RAD50: variants seen among roughly 807,000 people sequenced by gnomAD.
RAD50 encodes the protein RAD50 double strand break repair protein, also known as DNA repair protein RAD50.
RAD50 carries 132 observed loss-of-function variants against 168.8 expected under a neutral mutation model. The ratio of observed to expected loss-of-function variants is 0.78; its 90% CI spans 0.68 to 0.90. The LOEUF is 0.90. RAD50 is among the 40% of genes least tolerant of loss of function. RAD50 has a pLI of 0.00. For missense variants in RAD50, 1,347 were observed against 1,534.4 expected (o/e 0.88, Z 2.04); for synonymous variants, 525 against 497.4 (o/e 1.06, Z -0.74).
intron 13 of RAD50, among the ~76,000 whole-genome samples, chr5:132,597,685 C>T (rs75708409): frequency 0.024 from 3,704 of 152,264 alleles, 112 homozygotes; most frequent in African/African-American, 0.077. Flanking sequence ...TCATGCGAGA[C>T]CCTGAGTCAG....
In RAD50 at chr5:132,603,462, A is replaced by G. The variant is rs1750924934; in HGVS notation, c.2370A>G (p.Thr790=). 1 of 1,613,946 alleles carries G rather than the reference A, an allele frequency of 6.2e-7. No individual in the cohort carries two copies. Among genetic ancestry groups the G allele is most frequent in the African/African-American group, 1.3e-5 (1 of 75,032 alleles). ...AAGAAAGTGCCAAAGTATGCCTGAC[A>G]GATGTTACAATTATGGAGAGGTTCC... ...PEEESAKVCL[T]DVTIMERFQM... is the part of the protein sequence containing the mutation. Residue 790 remains threonine, a synonymous_variant, in exon 14 of 25, where the codon ACA becomes ACG. Transcript: ENST00000378823.
intron 5 of RAD50, among the ~76,000 whole-genome samples, chr5:132,582,894 A>G (rs1750527693): frequency 6.6e-6 from 1 of 152,184 alleles, no homozygotes; most frequent in Non-Finnish European, 1.5e-5. Flanking sequence ...GAACCAAAAC[A>G]CAGATGTCAA....
At chr5:132,633,346 C>CT (rs750985827) in intron 21 of RAD50, among the ~76,000 whole-genome samples, 1 of 152,090 alleles carries the variant, frequency 6.6e-6, no homozygotes, top group Non-Finnish European at 1.5e-5. Flanking sequence ...CTCAAGTGAT[C>CT]TGCCTGCCTT....
At chr5:132,626,722 G>A (rs1039103664) in intron 21 of RAD50, among the ~76,000 whole-genome samples, 5 of 150,956 alleles carry the variant, frequency 3.3e-5, no homozygotes, top group South Asian at 2.1e-4. Flanking sequence ...TAGCATAATC[G>A]ATTTAATTAT....
intron 11 of RAD50, 30 bp downstream of exon 11, chr5:132,592,064 A>G (rs750056648): frequency 1.4e-5 from 22 of 1,582,014 alleles, no homozygotes; most frequent in Non-Finnish European, 8.7e-7. Context: ...GATGTAATAG[A>G]AATCTCTTAT....
intron 13 of RAD50, among the ~76,000 whole-genome samples, chr5:132,598,951 C>T (rs1750839923): frequency 6.6e-6 from 1 of 152,044 alleles, no homozygotes; most frequent in Admixed American, 6.5e-5. Flanking sequence ...GTACTTGTGG[C>T]TGACTTGAAT....
intron 13 of RAD50, among the ~76,000 whole-genome samples, chr5:132,600,661 T>C (rs1394116501): frequency 6.6e-6 from 1 of 152,206 alleles, no homozygotes; most frequent in East Asian, 1.9e-4. Context: ...AAATGCAAAC[T>C]CAATTGGTAT....
In RAD50 at chr5:132,642,422, A is replaced by G. The variant is rs774452369; in HGVS notation, c.*58A>G. 1.2e-5 allele frequency: 18 copies of G among 1,442,846 alleles called. No individual in the cohort carries two copies. Among genetic ancestry groups the G allele is most frequent in the Non-Finnish European group, 1.6e-5 (17 of 1,036,228 alleles). 89.4% of individuals were successfully genotyped at this position (1,442,846 alleles called of 1,614,324 possible). A position where few individuals can be genotyped will look rare whatever the true frequency, so the allele number is the denominator to read the frequency against. The stretch of plus-strand genomic sequence containing the variant: ...AGGTCCTCAGAAAGTGTATAATAAG[A>G]AACTTATTTCTCATATCAACTTAGT... On this transcript the variant is annotated 3_prime_UTR_variant, in exon 25 of 25. Coordinates refer to ENST00000378823, the MANE Select transcript of RAD50 (RefSeq NM_005732.4).
At chr5:132,596,704 G>A (rs572391928) in intron 13 of RAD50, among the ~76,000 whole-genome samples, 134 of 152,336 alleles carry the variant, frequency 8.8e-4, no homozygotes, top group African/African-American at 3.1e-3. Context: ...GGAGCTAATG[G>A]TCTGATTAAG....
intron 5 of RAD50, among the ~76,000 whole-genome samples, chr5:132,580,948 G>A (rs1177836696): frequency 1.3e-5 from 2 of 152,072 alleles, no homozygotes; most frequent in African/African-American, 2.4e-5. Context: ...TTTGAATCAT[G>A]AAGTAGAAAA....
At chr5:132,580,210 T>A in intron 5 of RAD50, 144 bp downstream of exon 5, 1 of 671,802 alleles carries the variant, frequency 1.5e-6, no homozygotes, top group Non-Finnish European at 2.6e-6. Context: ...GTGAGAACAC[T>A]TAAAATCTAC....
At chr5:132,620,238 C>G (rs767829406) in intron 21 of RAD50, among the ~76,000 whole-genome samples, 4 of 152,216 alleles carry the variant, frequency 2.6e-5, no homozygotes, top group Middle Eastern at 3.4e-3. Context: ...TAAATTTTGC[C>G]TTTCACATGT....
intron 8 of RAD50, among the ~76,000 whole-genome samples, 185 bp downstream of exon 8, chr5:132,589,065 G>C (rs1216342675): frequency 1.3e-5 from 2 of 152,120 alleles, no homozygotes; most frequent in Non-Finnish European, 2.9e-5. Flanking sequence ...ATAAAAATAT[G>C]AAGAAAATGT....
intron 13 of RAD50, among the ~76,000 whole-genome samples, chr5:132,596,767 T>TA (rs894744426): frequency 1.3e-5 from 2 of 152,196 alleles, no homozygotes; most frequent in Non-Finnish European, 2.9e-5. Flanking sequence ...ATAAAGTGCT[T>TA]AAAAAATGAT....
intron 2 of RAD50, among the ~76,000 whole-genome samples, chr5:132,563,618 G>GT (rs1294887250): frequency 6.6e-6 from 1 of 152,132 alleles, no homozygotes; most frequent in Non-Finnish European, 1.5e-5. Flanking sequence ...GGTTATGTAT[G>GT]TTTTTTCAGT....
intron 13 of RAD50, 86 bp from the exon 14 acceptor site, chr5:132,603,214 T>C (rs1750917994): frequency 8.2e-7 from 1 of 1,214,196 alleles, no homozygotes; most frequent in Admixed American, 2.1e-5. Flanking sequence ...ATGTCACTTC[T>C]GTGGTATTCT....
Position 132,579,320 on chromosome 5 carries a change from T to A in RAD50, c.369T>A (p.His123Gln). The A allele has an allele frequency of 6.2e-7, 1 of 1,613,650 alleles. No homozygotes were observed. Among genetic ancestry groups the A allele is most frequent in the Non-Finnish European group, 8.5e-7 (1 of 1,179,610 alleles). ...TLEGVITRTK[H>Q]GEKVSLSSKC... ...TCTTGATTTTCATTTTCTGTAGGCA[T>A]GGTGAAAAGGTCAGTCTGAGCTCTA... is the stretch of plus-strand genomic sequence containing the variant. The change falls in exon 4 of 25, where the codon CAT becomes CAA. Residue 123 changes from histidine (H) to glutamine (Q), a missense_variant. Physicochemically the swap from His to Gln is conservative, Grantham distance 24 (BLOSUM62 0). This residue lies in a region of RAD50 where 703 missense variants were observed against 767.7 expected (regional missense o/e 0.92). Coordinates refer to ENST00000378823, the MANE Select transcript of RAD50 (RefSeq NM_005732.4).
At chr5:132,615,521 C>T (rs935044171) in intron 19 of RAD50, among the ~76,000 whole-genome samples, 1 of 152,096 alleles carries the variant, frequency 6.6e-6, no homozygotes, top group African/African-American at 2.4e-5. Flanking sequence ...GGGAAGACTT[C>T]AGTAGTAGTA....
At chr5:132,598,084 G>A (rs1297038345) in intron 13 of RAD50, among the ~76,000 whole-genome samples, 1 of 140,966 alleles carries the variant, frequency 7.1e-6, no homozygotes, top group African/African-American at 2.7e-5. Context: ...GTTTTGCTTT[G>A]TCGCCCAGGC....
Sources: allele counts gnomAD v4.1 joint callset (sites outside exome capture counted in the v4.1 genomes callset), GRCh38; gene constraint gnomAD v4.1.1; regional missense constraint gnomAD v4.1.1; transcripts MANE v1.5; gene names NCBI Gene and HGNC (gene_info 2026-07-23, HGNC 2026-07-21).